YTHDF3: variants seen among roughly 807,000 people sequenced by gnomAD.
The protein encoded by YTHDF3 is YTH domain-containing family protein 3.
A neutral mutation model predicts 52.5 loss-of-function variants in YTHDF3; 9 were observed. The ratio of observed to expected loss-of-function variants is 0.17; its 90% confidence interval spans 0.10 to 0.30. YTHDF3 has a LOEUF of 0.30. Ranked by LOEUF, YTHDF3 falls within the 10% of genes least tolerant of loss-of-function variation. The probability of loss-of-function intolerance (pLI) is 1.00; values close to 1 mark genes in which losing one functional copy is unlikely to be tolerated. For synonymous variants in YTHDF3, 274 were observed against 243.3 expected (o/e 1.13, Z -1.18); for missense variants, 534 against 715.0 (o/e 0.75, Z 2.89).
At chr8:63,175,252 A>G in intron 2 of YTHDF3, 79 bp from the exon 3 acceptor site, 1 of 1,095,602 alleles carries the variant, frequency 9.1e-7, no homozygotes, top group East Asian at 2.6e-5. Flanking sequence ...TTTTGGCTTG[A>G]AAAATATTAA....
chr8:63,199,322 C>A (rs1488685134), intron 4 of YTHDF3, among the ~76,000 whole-genome samples: 2 of 152,140 alleles, frequency 1.3e-5, no homozygotes, highest in African/African-American at 2.4e-5. Flanking sequence ...CCCGCAAATA[C>A]CAAAATCTGC....
intron 4 of YTHDF3, chr8:63,188,701 A>ATATATATATATATATATAT (rs1355614739): frequency 6.5e-5 from 4 of 61,438 alleles, no homozygotes; most frequent in South Asian, 6.1e-4. Context: ...ATATATATAT[A>ATATATATATATATATATAT]TTTTTTTTTT....
intron 4 of YTHDF3, among the ~76,000 whole-genome samples, chr8:63,205,065 C>T (rs1336056538): frequency 2.0e-5 from 3 of 152,068 alleles, no homozygotes; most frequent in Non-Finnish European, 2.9e-5. Context: ...AAACTTCCTT[C>T]TGGGCTCATT....
chr8:63,189,548 G>T (rs1432603492), intron 4 of YTHDF3, among the ~76,000 whole-genome samples: 2 of 152,186 alleles, frequency 1.3e-5, no homozygotes, highest in Non-Finnish European at 2.9e-5. Flanking sequence ...TAAAATCAGT[G>T]ATTGTTTCTG....
At chr8:63,169,620 C>G (rs945408793) in intron 2 of YTHDF3, 8 of 574,932 alleles carry the variant, frequency 1.4e-5, no homozygotes, top group African/African-American at 9.4e-5. Flanking sequence ...CAAAGTAGTA[C>G]GAGAAACAGT....
rs1810429617 is a variant in YTHDF3, at chr8:63,212,732, C to T, written c.*3026C>T. On this transcript the variant is annotated 3_prime_UTR_variant, in exon 5 of 5. Transcript: ENST00000539294. ...GAGATTTTCTGTTATGGTACCCAAA[C>T]TCACCATTTGGTCCTCTTTAATCTT... 1 of 152,580 alleles carries T rather than the reference C, an allele frequency of 6.6e-6. No homozygotes were observed. Among genetic ancestry groups the T allele is most frequent in the African/African-American group, 2.4e-5 (1 of 41,442 alleles). 9.5% of individuals were successfully genotyped at this position (152,580 alleles called of 1,614,324 possible). A position where few individuals can be genotyped will look rare whatever the true frequency, so the allele number is the denominator to read the frequency against.
chr8:63,207,127 A>G (rs1371080188), intron 4 of YTHDF3, among the ~76,000 whole-genome samples: 2 of 152,126 alleles, frequency 1.3e-5, no homozygotes, highest in Non-Finnish European at 2.9e-5. Context: ...TATATTTAAA[A>G]TTGTAGTTTT....
intron 2 of YTHDF3, among the ~76,000 whole-genome samples, chr8:63,171,336 T>C (rs1807312361): frequency 6.6e-6 from 1 of 152,212 alleles, no homozygotes; most frequent in Non-Finnish European, 1.5e-5. Flanking sequence ...AGGATTCTTG[T>C]AATTACAGTA....
At chr8:63,189,231 T>A (rs545626088) in intron 4 of YTHDF3, among the ~76,000 whole-genome samples, 29 of 152,234 alleles carry the variant, frequency 1.9e-4, no homozygotes, top group African/African-American at 6.5e-4. Flanking sequence ...TCCTATTGAG[T>A]GGCCCATATG....
At chr8:63,192,831 TAAATA>T (rs1476194212) in intron 4 of YTHDF3, among the ~76,000 whole-genome samples, 1 of 149,864 alleles carries the variant, frequency 6.7e-6, no homozygotes, top group Non-Finnish European at 1.5e-5. Context: ...TTTTTTTTTT[TAAATA>T]AAAGTAGTTG....
intron 3 of YTHDF3, among the ~76,000 whole-genome samples, chr8:63,183,988 T>C (rs1808332854): frequency 6.6e-6 from 1 of 152,066 alleles, no homozygotes; most frequent in African/African-American, 2.4e-5. Context: ...TAATACAGTG[T>C]AAATGGTTTG....
chr8:63,190,970 C>T (rs1808874788), intron 4 of YTHDF3, among the ~76,000 whole-genome samples: 1 of 152,148 alleles, frequency 6.6e-6, no homozygotes, highest in South Asian at 2.1e-4. Flanking sequence ...GCCTTTAGAT[C>T]CATAAAATGT....
rs757589264 is a variant in YTHDF3 at position 63,168,872 on chromosome 8, T to C, written c.-6T>C. 11 of 1,553,926 alleles carry C rather than the reference T, an allele frequency of 7.1e-6. No homozygotes were observed. The South Asian group carries it at 1.2e-4, about 17-fold the overall frequency. On this transcript the variant is annotated 5_prime_UTR_variant, in exon 1 of 5. Transcript: ENST00000539294. ...GGCGGCGGCGGCTCTCGGGTTGCGGTGAAGAATGTCAGCCACTAGCGTGGA... is the reference window on the plus strand; with the variant it reads ...GGCGGCGGCGGCTCTCGGGTTGCGGCGAAGAATGTCAGCCACTAGCGTGGA...
intron 3 of YTHDF3, among the ~76,000 whole-genome samples, chr8:63,183,330 T>C (rs1303021426): frequency 6.6e-6 from 1 of 152,186 alleles, no homozygotes; most frequent in African/African-American, 2.4e-5. Flanking sequence ...TATTAAACTT[T>C]TGAGAGTTTT....
At chr8:63,182,458 C>T (rs1429127663) in intron 3 of YTHDF3, among the ~76,000 whole-genome samples, 3 of 151,906 alleles carry the variant, frequency 2.0e-5, no homozygotes, top group Admixed American at 6.6e-5. Context: ...TACTTGTTGG[C>T]CTCTTAGTTT....
At chr8:63,207,838 T>A (rs978184659) in intron 4 of YTHDF3, among the ~76,000 whole-genome samples, 6 of 152,194 alleles carry the variant, frequency 3.9e-5, no homozygotes, top group African/African-American at 1.2e-4. Context: ...TGCCCTTACA[T>A]CTTTTTACTT....
At chr8:63,194,388 G>C (rs1202756441) in intron 4 of YTHDF3, among the ~76,000 whole-genome samples, 1 of 152,156 alleles carries the variant, frequency 6.6e-6, no homozygotes, top group Non-Finnish European at 1.5e-5. Context: ...GGGAGACTGA[G>C]GCAGGAGAAT....
chr8:63,181,302 C>G (rs1808118991), intron 3 of YTHDF3, among the ~76,000 whole-genome samples: 1 of 152,178 alleles, frequency 6.6e-6, no homozygotes, highest in Non-Finnish European at 1.5e-5. Context: ...TAATTCTATA[C>G]TGCCACTCAG....
intron 4 of YTHDF3, among the ~76,000 whole-genome samples, chr8:63,204,305 A>G (rs893655778): frequency 1.4e-5 from 2 of 142,348 alleles, no homozygotes; most frequent in African/African-American, 5.3e-5. Flanking sequence ...TAATCTACTG[A>G]TTTTTTCAAT....
Sources: allele counts gnomAD v4.1 joint callset (sites outside exome capture counted in the v4.1 genomes callset), GRCh38; gene constraint gnomAD v4.1.1; transcripts MANE v1.5; gene names NCBI Gene and HGNC (gene_info 2026-07-23, HGNC 2026-07-21).